Variants in PSD3 observed in about 807,000 individuals in gnomAD.
PSD3 encodes the protein pleckstrin and Sec7 domain containing 3, also known as PH and SEC7 domain-containing protein 3.
A neutral mutation model predicts 105.5 loss-of-function variants in PSD3; 49 were observed. The observed-to-expected ratio is 0.46, with a 90% CI of 0.37 to 0.59. PSD3 has a LOEUF of 0.59. PSD3 is among the 20% of genes least tolerant of loss of function. The pLI is 0.00. For missense variants in PSD3, 1,561 were observed against 1,263.8 expected (o/e 1.24, Z -3.57); for synonymous variants, 557 against 457.8 (o/e 1.22, Z -2.77).
chr8:18,917,813 C>T (rs1009172741), intron 2 of PSD3, among the ~76,000 whole-genome samples: 1 of 152,172 alleles, frequency 6.6e-6, no homozygotes, highest in Admixed American at 6.5e-5. Flanking sequence ...TAGCCAGGAC[C>T]TGCAACACCG....
intron 1 of PSD3, among the ~76,000 whole-genome samples, chr8:18,939,265 A>AG (rs1437024026): frequency 1.3e-5 from 2 of 152,180 alleles, no homozygotes; most frequent in Non-Finnish European, 2.9e-5. Flanking sequence ...GAAGCTGGGG[A>AG]GGGGGTGATT....
chr8:18,878,448 T>G (rs2129458359), intron 2 of PSD3, among the ~76,000 whole-genome samples: 1 of 152,312 alleles, frequency 6.6e-6, no homozygotes, highest in East Asian at 1.9e-4. Flanking sequence ...CTTTCACATG[T>G]TATACCATTG....
At chr8:18,568,215 G>C (rs1801913422) in intron 14 of PSD3, among the ~76,000 whole-genome samples, 2 of 152,072 alleles carry the variant, frequency 1.3e-5, no homozygotes, top group South Asian at 4.2e-4. Flanking sequence ...ACACAAAATG[G>C]GCTAAGATAC....
chr8:18,719,290 T>A (rs1302240512), intron 9 of PSD3, among the ~76,000 whole-genome samples: 3 of 152,190 alleles, frequency 2.0e-5, no homozygotes, highest in Non-Finnish European at 4.4e-5. Context: ...TGACCTTGAC[T>A]TTTTAACTGA....
At chr8:18,551,606 A>G (rs1800772129) in intron 15 of PSD3, among the ~76,000 whole-genome samples, 1 of 152,214 alleles carries the variant, frequency 6.6e-6, no homozygotes, top group African/African-American at 2.4e-5. Context: ...TTTCCTAGCC[A>G]TGTGGTTGGT....
At chr8:18,632,442 C>T (rs1391537648) in intron 11 of PSD3, among the ~76,000 whole-genome samples, 171 bp downstream of exon 11, 1 of 152,114 alleles carries the variant, frequency 6.6e-6, no homozygotes, top group African/African-American at 2.4e-5. Context: ...TAGAGAAGAG[C>T]AGGTGCCACA....
At position 18,872,501 on chromosome 8, in the gene PSD3, A is replaced by T; in HGVS notation, c.363T>A (p.Ser121Arg). 2 of 1,614,090 alleles carry T rather than the reference A, an allele frequency of 1.2e-6. No individual in the cohort carries two copies. The highest frequency in any genetic ancestry group is 1.7e-6 in the Non-Finnish European group (2 of 1,180,014). ...GCTGTAAACTTTGTTCCTTGAGATG[A>T]CTTTGAGAGGGGGCCTCTCTGACAT... Reference protein sequence around the residue: ...PKDVREAPSQSHLKEQSLQPI... With the variant: ...PKDVREAPSQRHLKEQSLQPI... The change falls in exon 3 of 16, where the codon AGT (serine) becomes AGA (arginine). Residue 121 changes from serine (S) to arginine (R), a missense_variant. Ser to Arg is a moderately radical substitution (Grantham distance 110). Coordinates refer to ENST00000327040, the MANE Select transcript of PSD3 (RefSeq NM_015310.4).
At chr8:18,608,442 C>G (rs894005313) in intron 11 of PSD3, among the ~76,000 whole-genome samples, 4 of 152,178 alleles carry the variant, frequency 2.6e-5, no homozygotes, top group Admixed American at 2.0e-4. Flanking sequence ...GAGTCAAACT[C>G]ACATACACAT....
chr8:18,816,768 C>T lies in PSD3; in HGVS notation c.1635-11870G>A, dbSNP rs138494554. On this transcript the variant is annotated intron_variant, in intron 4 of 15. Transcript: ENST00000327040. ...CTCCCACAAATATCTGAACATGTTACGACTCACACACTGTTCCAGGTAAAT... is the reference window on the plus strand; with the variant it reads ...CTCCCACAAATATCTGAACATGTTATGACTCACACACTGTTCCAGGTAAAT... 7.0e-4 allele frequency among the ~76,000 whole-genome samples: 106 copies of T among 152,272 alleles called. 1 individual carries two copies. In the East Asian group the frequency reaches 0.016, roughly 23 times the overall value.
At chr8:19,070,491 C>A (rs1829217786) in intron 1 of PSD3, among the ~76,000 whole-genome samples, 1 of 151,752 alleles carries the variant, frequency 6.6e-6, no homozygotes, top group African/African-American at 2.4e-5. Context: ...GCTTGACCAA[C>A]ATGGTGAAAC....
chr8:18,654,393 G>A (rs746396209), intron 10 of PSD3, among the ~76,000 whole-genome samples: 7 of 151,994 alleles, frequency 4.6e-5, no homozygotes, highest in South Asian at 2.1e-4. Flanking sequence ...GTTAGGTCAC[G>A]TGGTAAAACA....
At chr8:18,613,166 C>T (rs986386633) in intron 11 of PSD3, among the ~76,000 whole-genome samples, 1 of 152,132 alleles carries the variant, frequency 6.6e-6, no homozygotes, top group South Asian at 2.1e-4. Flanking sequence ...AGGACCCCTC[C>T]TGCCCCCAAC....
chr8:18,743,091 T>C (rs567733566), intron 9 of PSD3, among the ~76,000 whole-genome samples: 3 of 152,192 alleles, frequency 2.0e-5, no homozygotes, highest in Non-Finnish European at 4.4e-5. Flanking sequence ...CTCTTAAAAG[T>C]TGCTATGCAT....
At chr8:18,666,881 T>C (rs960828470) in intron 9 of PSD3, among the ~76,000 whole-genome samples, 1 of 152,216 alleles carries the variant, frequency 6.6e-6, no homozygotes, top group Non-Finnish European at 1.5e-5. Flanking sequence ...AATGCTATTG[T>C]GTCCAGAATT....
At chr8:18,737,444 C>A (rs1048442590) in intron 9 of PSD3, among the ~76,000 whole-genome samples, 1 of 152,080 alleles carries the variant, frequency 6.6e-6, no homozygotes, top group African/African-American at 2.4e-5. Flanking sequence ...CCCACCTCAG[C>A]CTCCCGAGAG....
chr8:18,796,713 G>T (rs1270448709), intron 8 of PSD3, among the ~76,000 whole-genome samples: 1 of 152,126 alleles, frequency 6.6e-6, no homozygotes, highest in African/African-American at 2.4e-5. Context: ...CCTACTGAAA[G>T]CATATGAGGA....
chr8:18,996,535 G>A (rs1354974645), intron 1 of PSD3, among the ~76,000 whole-genome samples: 1 of 151,898 alleles, frequency 6.6e-6, no homozygotes, highest in Non-Finnish European at 1.5e-5. Flanking sequence ...GTTTACAACA[G>A]TAAGCTAGAT....
intron 1 of PSD3, among the ~76,000 whole-genome samples, chr8:19,055,047 G>C (rs1416630787): frequency 1.3e-5 from 2 of 152,258 alleles, no homozygotes; most frequent in Admixed American, 6.5e-5. Context: ...TCTGGGCCAA[G>C]GCAGTGAAAA....
intron 14 of PSD3, among the ~76,000 whole-genome samples, chr8:18,561,531 G>A (rs1398705508): frequency 6.6e-6 from 1 of 152,144 alleles, no homozygotes; most frequent in Admixed American, 6.6e-5. Flanking sequence ...AATAAATTCT[G>A]TTGTGTATCA....
Sources: allele counts gnomAD v4.1 joint callset (sites outside exome capture counted in the v4.1 genomes callset), GRCh38; gene constraint gnomAD v4.1.1; transcripts MANE v1.5; gene names NCBI Gene and HGNC (gene_info 2026-07-23, HGNC 2026-07-21).